ANO4: variants seen among roughly 807,000 people sequenced by gnomAD.
ANO4 encodes the protein anoctamin-4.
ANO4 carries 69 observed loss-of-function variants against 141.9 expected under a neutral mutation model. The observed-to-expected ratio is 0.49, with a 90% CI of 0.40 to 0.59. The LOEUF (loss-of-function observed/expected upper bound fraction) is 0.59, where lower values mean the gene tolerates loss of function less well. Ranked by LOEUF, ANO4 falls within the 20% of genes least tolerant of loss-of-function variation. The pLI is 0.00. For missense variants in ANO4, 894 were observed against 1,162.2 expected (o/e 0.77, Z 3.36); for synonymous variants, 350 against 394.3 (o/e 0.89, Z 1.33).
chr12:100,744,144 A>G (rs1390323530), intron 3 of ANO4, among the ~76,000 whole-genome samples: 2 of 152,204 alleles, frequency 1.3e-5, no homozygotes, highest in Admixed American at 6.5e-5. Flanking sequence ...GCCTACTGGA[A>G]CTTTCAACCC....
At chr12:100,787,818 T>C (rs80261804) in intron 3 of ANO4, among the ~76,000 whole-genome samples, 7,138 of 152,180 alleles carry the variant, frequency 0.047, 471 homozygotes, top group African/African-American at 0.15. Context: ...ACAGAGTAGA[T>C]AGCGATGCAT....
In ANO4 at chr12:100,837,530, C is replaced by T. The variant is rs965653437; in HGVS notation, c.-141+42503C>T. 2.6e-5 allele frequency among the ~76,000 whole-genome samples: 4 copies of T among 151,940 alleles called. No individual in the cohort carries two copies. The South Asian group carries it at 8.3e-4, about 31-fold the overall frequency. On this transcript the variant is annotated intron_variant, in intron 1 of 27. Transcript: ENST00000392977. ...GTGGTTCACACCTGTAATCCCAGCA[C>T]GTTGGGAGGCCGAGGCAGGAGGATT...
At position 100,760,300 on chromosome 12, in the gene ANO4, C is replaced by T. The variant is rs12316063; in HGVS notation, c.358+20195C>T. Among the ~76,000 whole-genome samples, 524 of 152,280 alleles carry T rather than the reference C, an allele frequency of 3.4e-3. 3 individuals carry two copies. The highest frequency in any genetic ancestry group is 0.012 in the African/African-American group (496 of 41,544). On this transcript the variant is annotated intron_variant, in intron 3 of 29. Transcript: ENST00000644049. ...GAGCTTTCACTGACAGCAGCCCTCTCTGTTTGGAGTCATTATCCTTGTTTG... is the reference window on the plus strand; with the variant it reads ...GAGCTTTCACTGACAGCAGCCCTCTTTGTTTGGAGTCATTATCCTTGTTTG...
chr12:101,066,970 T>C, intron 14 of ANO4: 1 of 669,204 alleles, frequency 1.5e-6, no homozygotes. Context: ...ATGACACTCT[T>C]CATGTACCCT....
chr12:101,062,332 A>T (rs967807601), intron 14 of ANO4, among the ~76,000 whole-genome samples: 1 of 152,128 alleles, frequency 6.6e-6, no homozygotes, highest in African/African-American at 2.4e-5. Context: ...CCCTGCTGGG[A>T]GGTGTCTCCC....
At chr12:100,959,231 CTG>C (rs2043302099) in intron 5 of ANO4, among the ~76,000 whole-genome samples, 1 of 152,208 alleles carries the variant, frequency 6.6e-6, no homozygotes, top group Non-Finnish European at 1.5e-5. Flanking sequence ...CACCACCACT[CTG>C]TGTGTGCTGT....
intron 15 of ANO4, among the ~76,000 whole-genome samples, chr12:101,080,881 T>TA (rs1566219449): frequency 2.7e-4 from 24 of 89,080 alleles, no homozygotes; most frequent in Admixed American, 7.9e-4. Context: ...TATATATATA[T>TA]ATTATATATA....
chr12:101,030,044 C>T (rs2046912253), intron 9 of ANO4, among the ~76,000 whole-genome samples: 1 of 152,018 alleles, frequency 6.6e-6, no homozygotes, highest in Non-Finnish European at 1.5e-5. Flanking sequence ...GACTTTAACA[C>T]TCCACCATCA....
At chr12:101,078,829 A>C (rs2049129030) in intron 14 of ANO4, among the ~76,000 whole-genome samples, 1 of 152,184 alleles carries the variant, frequency 6.6e-6, no homozygotes, top group Non-Finnish European at 1.5e-5. Flanking sequence ...CAATAGAAAA[A>C]ATAAAATAAA....
intron 1 of ANO4, among the ~76,000 whole-genome samples, chr12:100,803,709 C>G (rs2034829156): frequency 6.6e-6 from 1 of 152,252 alleles, no homozygotes; most frequent in East Asian, 1.9e-4. Context: ...GTGAGCTGGT[C>G]TCCTTGTGCA....
intron 17 of ANO4, among the ~76,000 whole-genome samples, chr12:101,088,076 C>T (rs879409486): frequency 6.6e-5 from 10 of 151,038 alleles, no homozygotes; most frequent in South Asian, 4.2e-4. Flanking sequence ...TAAAAGCCTG[C>T]GAGGCCACAT....
rs1032667468 is a variant in ANO4 at position 100,797,966 on chromosome 12, G to A, written c.-141+2939G>A. Among the ~76,000 whole-genome samples the A allele has an allele frequency of 3.9e-5, 6 of 152,284 alleles. No individual in the cohort carries two copies. In the East Asian group the frequency reaches 1.2e-3, roughly 29 times the overall value. Reference sequence around the variant, plus strand: ...GTAACTGAGGGAAGAAATTGTTTCTGTTAGTATAAATATAACCTCATACTT... The same window carrying A: ...GTAACTGAGGGAAGAAATTGTTTCTATTAGTATAAATATAACCTCATACTT... On this transcript the variant is annotated intron_variant, in intron 1 of 27. Coordinates refer to ENST00000392977, the MANE Select transcript of ANO4 (RefSeq NM_001286615.2).
chr12:101,031,452 A>G (rs1566149983), intron 9 of ANO4, among the ~76,000 whole-genome samples: 1 of 152,204 alleles, frequency 6.6e-6, no homozygotes, highest in Non-Finnish European at 1.5e-5. Flanking sequence ...AATAAAAACT[A>G]TGACAAACCC....
At chr12:100,822,440 G>A (rs2036105908) in intron 1 of ANO4, among the ~76,000 whole-genome samples, 1 of 152,040 alleles carries the variant, frequency 6.6e-6, no homozygotes, top group Admixed American at 6.6e-5. Context: ...CAGTCACCCT[G>A]TTCAGGTCTT....
intron 1 of ANO4, chr12:100,842,071 C>T (rs915896484): frequency 1.7e-5 from 2 of 114,982 alleles, no homozygotes; most frequent in East Asian, 3.3e-4. Flanking sequence ...ACCCCCCCCC[C>T]CCCCCCACTG....
chr12:101,002,034 C>T (rs897141338), intron 8 of ANO4, among the ~76,000 whole-genome samples: 2 of 152,148 alleles, frequency 1.3e-5, no homozygotes, highest in South Asian at 2.1e-4. Flanking sequence ...CCATCTTCCT[C>T]GCTGCCCACC....
intron 3 of ANO4, among the ~76,000 whole-genome samples, chr12:100,746,381 A>G (rs944056427): frequency 6.6e-6 from 1 of 151,172 alleles, no homozygotes; most frequent in Non-Finnish European, 1.5e-5. Context: ...TGAACCCGGC[A>G]GGCGGAGGCT....
At chr12:100,798,468 GATTGTATAAA>G (rs1412444126) in intron 1 of ANO4, among the ~76,000 whole-genome samples, 1 of 152,132 alleles carries the variant, frequency 6.6e-6, no homozygotes, top group East Asian at 1.9e-4. Context: ...AACTCAGGCA[GATTGTATAAA>G]ATAGGAGAAA....
At chr12:100,996,666 C>G (rs909547037) in intron 8 of ANO4, among the ~76,000 whole-genome samples, 1 of 152,034 alleles carries the variant, frequency 6.6e-6, no homozygotes, top group Non-Finnish European at 1.5e-5. Flanking sequence ...GCCTGGGCAA[C>G]AAGAGTGAAA....
Sources: gnomAD v4.1 joint callset for allele counts (sites outside exome capture counted in the v4.1 genomes callset) on GRCh38, gnomAD v4.1.1 for gene constraint, MANE v1.5 for transcripts, NCBI Gene and HGNC (gene_info 2026-07-23, HGNC 2026-07-21) for gene names.